The following MSRA variants were observed in gnomAD, a reference collection of about 807,000 sequenced individuals.
The protein encoded by MSRA is methionine sulfoxide reductase A, also known as mitochondrial peptide methionine sulfoxide reductase.
In MSRA, 54 loss-of-function variants were observed where a neutral mutation model predicts 31.3. That is an observed-to-expected ratio of 1.73 (90% CI 1.39 to 2.17). The LOEUF is 2.17. Ranked by LOEUF, MSRA falls within the 30% of genes most tolerant of loss-of-function variation. The pLI is 0.00. For missense variants in MSRA, 507 were observed against 300.9 expected, an observed-to-expected ratio of 1.69 and a Z score of -5.07; for synonymous variants, 169 against 116.5, an observed-to-expected ratio of 1.45 and a Z score of -2.90.
rs112243700 is a variant in MSRA at position 10,361,389 on chromosome 8, G to A, written c.543+41400G>A. On this transcript the variant is annotated intron_variant, in intron 5 of 5. Coordinates refer to ENST00000317173, the MANE Select transcript of MSRA (RefSeq NM_012331.5). The stretch of plus-strand genomic sequence containing the variant: ...TGGGAGACTTGTGCTTGGGACTTAG[G>A]GTTCTAAGTCTTTTCTTTCATTATT... Among the ~76,000 whole-genome samples the A allele has an allele frequency of 1.0e-2, 1,521 of 152,186 alleles. 24 individuals carry two copies. Among genetic ancestry groups the A allele is most frequent in the African/African-American group, 0.035 (1,447 of 41,530 alleles).
At chr8:10,293,343 T>C (rs1181306554) in intron 3 of MSRA, among the ~76,000 whole-genome samples, 2 of 152,188 alleles carry the variant, frequency 1.3e-5, no homozygotes, top group Admixed American at 6.5e-5. Context: ...CTGCTTCCAT[T>C]TGGATTCCTG....
chr8:10,156,022 C>T (rs1313201682), intron 1 of MSRA, among the ~76,000 whole-genome samples: 3 of 152,078 alleles, frequency 2.0e-5, no homozygotes, highest in African/African-American at 7.2e-5. Context: ...GGTTTGGCGT[C>T]ACTAATGGTG....
chr8:10,283,811 A>ATG (rs1799768477), intron 3 of MSRA, among the ~76,000 whole-genome samples: 1 of 39,850 alleles, frequency 2.5e-5, no homozygotes, highest in African/African-American at 7.6e-5. Flanking sequence ...TCATATATAT[A>ATG]TATATATATA....
chr8:10,190,504 G>A (rs1334337928), intron 1 of MSRA, among the ~76,000 whole-genome samples: 1 of 152,216 alleles, frequency 6.6e-6, no homozygotes, highest in African/African-American at 2.4e-5. Context: ...ATCAGCTCTG[G>A]CCTGGCCAAG....
At chr8:10,220,334 C>G (rs1042306411) in intron 2 of MSRA, among the ~76,000 whole-genome samples, 1 of 152,140 alleles carries the variant, frequency 6.6e-6, no homozygotes, top group Non-Finnish European at 1.5e-5. Flanking sequence ...TATATCCTTC[C>G]AGATTTCAGC....
intron 5 of MSRA, among the ~76,000 whole-genome samples, chr8:10,403,366 C>T (rs1002120926): frequency 9.9e-5 from 15 of 152,284 alleles, no homozygotes; most frequent in Admixed American, 3.3e-4. Flanking sequence ...GGTGCCGGGC[C>T]TTACCTAGCT....
intron 3 of MSRA, among the ~76,000 whole-genome samples, chr8:10,252,580 C>T (rs1330510511): frequency 6.6e-6 from 1 of 152,154 alleles, no homozygotes; most frequent in Non-Finnish European, 1.5e-5. Flanking sequence ...AGTCATTGAA[C>T]TGGGGAGTGG....
chr8:10,336,582 T>C (rs1803059787), intron 5 of MSRA, among the ~76,000 whole-genome samples: 1 of 152,210 alleles, frequency 6.6e-6, no homozygotes. Context: ...AGAGACAATA[T>C]TGGGCAAACC....
intron 5 of MSRA, among the ~76,000 whole-genome samples, chr8:10,361,701 A>G (rs1804855574): frequency 6.6e-6 from 1 of 152,212 alleles, no homozygotes; most frequent in Non-Finnish European, 1.5e-5. Context: ...AAACACAGAA[A>G]GCACTTCTAA....
intron 2 of MSRA, among the ~76,000 whole-genome samples, chr8:10,221,635 G>C (rs577007922): frequency 2.0e-5 from 3 of 152,094 alleles, no homozygotes; most frequent in Non-Finnish European, 4.4e-5. Context: ...ATCTCTAGCA[G>C]CTTATACTCC....
At chr8:10,097,803 C>G (rs1025447944) in intron 1 of MSRA, among the ~76,000 whole-genome samples, 1 of 152,078 alleles carries the variant, frequency 6.6e-6, no homozygotes, top group Non-Finnish European at 1.5e-5. Context: ...ACAAATATGT[C>G]AGAATATACC....
chr8:10,349,451 C>T (rs1285613430), intron 5 of MSRA, among the ~76,000 whole-genome samples: 1 of 152,140 alleles, frequency 6.6e-6, no homozygotes, highest in African/African-American at 2.4e-5. Flanking sequence ...TAATGAAAAC[C>T]CTGACTCTTC....
At chr8:10,198,016 A>G (rs1808147352) in intron 1 of MSRA, among the ~76,000 whole-genome samples, 1 of 152,196 alleles carries the variant, frequency 6.6e-6, no homozygotes. Context: ...GCTCAAAGAA[A>G]ACAGAGGAGT....
chr8:10,354,750 G>GTGTATATATATATATA (rs371336632), intron 5 of MSRA, among the ~76,000 whole-genome samples: 1 of 138,402 alleles, frequency 7.2e-6, no homozygotes, highest in Non-Finnish European at 1.5e-5. Flanking sequence ...GTGTGTGTGT[G>GTGTATATATATATATA]TATATATATA....
At chr8:10,370,047 C>G (rs1478184993) in intron 5 of MSRA, among the ~76,000 whole-genome samples, 2 of 152,130 alleles carry the variant, frequency 1.3e-5, no homozygotes, top group African/African-American at 4.8e-5. Context: ...GTAGTGTTGC[C>G]TTTATAAACT....
chr8:10,185,895 A>ATTT (rs11438094), intron 1 of MSRA, among the ~76,000 whole-genome samples: 6 of 149,444 alleles, frequency 4.0e-5, no homozygotes, highest in African/African-American at 1.5e-4. Context: ...ATTTCCATTC[A>ATTT]TTTTTTTTTT....
intron 3 of MSRA, among the ~76,000 whole-genome samples, chr8:10,272,871 AATGAATGAATGG>A (rs1336303242): frequency 9.3e-6 from 1 of 107,160 alleles, no homozygotes; most frequent in Non-Finnish European, 2.1e-5. Context: ...CTCTTAAGTG[AATGAATGAATGG>A]ATGAATAACA....
chr8:10,062,170 C>T (rs1021075209), intron 1 of MSRA, among the ~76,000 whole-genome samples: 1 of 152,188 alleles, frequency 6.6e-6, no homozygotes, highest in Non-Finnish European at 1.5e-5. Context: ...TGCATGGGTC[C>T]CAGCAGCGTG....
intron 5 of MSRA, among the ~76,000 whole-genome samples, chr8:10,367,876 AG>A (rs1320853974): frequency 6.6e-6 from 1 of 152,140 alleles, no homozygotes; most frequent in Non-Finnish European, 1.5e-5. Flanking sequence ...AGCCCAAGTG[AG>A]GGGGGAAAGC....
Sources: gnomAD v4.1 joint callset for allele counts (sites outside exome capture counted in the v4.1 genomes callset) on GRCh38, gnomAD v4.1.1 for gene constraint, MANE v1.5 for transcripts, NCBI Gene and HGNC (gene_info 2026-07-23, HGNC 2026-07-21) for gene names.